CRY2: variants seen among roughly 807,000 people sequenced by gnomAD.
CRY2 encodes cryptochrome circadian regulator 2, also known as cryptochrome-2.
CRY2 carries 31 observed loss-of-function variants against 69.5 expected under a neutral mutation model. The ratio of observed to expected loss-of-function variants is 0.45; its 90% CI spans 0.34 to 0.60. The LOEUF is 0.60. Among genes scored for constraint, CRY2 ranks in the 20% least tolerant of loss-of-function variants. The pLI, the probability that CRY2 is intolerant of heterozygous loss-of-function variation, is 0.02. For missense variants in CRY2, 606 were observed against 797.8 expected (o/e 0.76, Z 2.90); for synonymous variants, 303 against 312.2 (o/e 0.97, Z 0.31).
chr11:45,855,986 C>T lies in CRY2; in HGVS notation c.220C>T (p.Leu74=). The change falls in exon 2 of 12, where the codon CTA becomes TTA. Residue 74 remains leucine, a synonymous_variant. Transcript: ENST00000616080. The part of the protein sequence containing the change: ...SSVGINRWRF[L]LQSLEDLDTS... ...AGGCCTGTGTGGACTCCACAGGTTC[C>T]TACTTCAGTCTCTGGAAGATTTGGA... 2.5e-6 allele frequency: 4 copies of T among 1,613,862 alleles called. No individual in the cohort carries two copies. Among genetic ancestry groups the T allele is most frequent in the Admixed American group, 3.3e-5 (2 of 60,006 alleles).
chr11:45,858,777 T>C lies in CRY2; in HGVS notation c.371T>C (p.Phe124Ser). 1 of 1,613,998 alleles carries C rather than the reference T, an allele frequency of 6.2e-7. No individual in the cohort carries two copies. The highest frequency in any genetic ancestry group is 8.5e-7 in the Non-Finnish European group (1 of 1,179,982). ...ACCTTTGAATATGACTCTGAACCCT[T>C]TGGGAAAGAACGGGATGCAGCCATC... ...RLTFEYDSEPFGKERDAAIMK... is the reference protein window; with the variant it reads ...RLTFEYDSEPSGKERDAAIMK... Residue 124 changes from phenylalanine (F) to serine (S), a missense_variant, in exon 3 of 12, where the codon TTT becomes TCT. This residue lies in a region of CRY2 where 382 missense variants were observed against 508.9 expected (regional missense o/e 0.75). Coordinates refer to ENST00000616080, the MANE Select transcript of CRY2 (RefSeq NM_021117.5).
In CRY2 at chr11:45,878,920, TAA is replaced by T. The variant is rs57461093; in HGVS notation, c.*3-1967_*3-1966del. Among the ~76,000 whole-genome samples the T allele has an allele frequency of 7.3e-3, 360 of 49,342 alleles. 6 individuals are homozygous for T. The highest frequency in any genetic ancestry group is 0.05 in the South Asian group (62 of 1,252). The allele number at this position is 49,342 out of a possible 152,430, so 32.4% of individuals were successfully genotyped here. On this transcript the variant is annotated intron_variant, in intron 11 of 11. Transcript: ENST00000616080. ...GGCAACAGAACAAGACTCCATCTAT[TAA>T]AAAAAAAAAAAAAAAAAAAAAAAAA...
intron 3 of CRY2, among the ~76,000 whole-genome samples, chr11:45,860,551 T>C (rs764655230): frequency 3.9e-5 from 6 of 152,150 alleles, no homozygotes; most frequent in Admixed American, 6.5e-5. Flanking sequence ...TTTGTCAGTC[T>C]CTGTCTTTAG....
At position 45,872,094 on chromosome 11, in the gene CRY2, C is replaced by T. The variant is rs760859111; in HGVS notation, c.1645C>T (p.Pro549Ser). ...SQAGSMSSAG[P>S]RPLPSGPASP... is the part of the protein sequence containing the mutation. ...CCCTTTGACACGCTTCCCTACAGGCCCAAGACCACTACCCAGTGGCCCAGC... is the reference window on the plus strand; with the variant it reads ...CCCTTTGACACGCTTCCCTACAGGCTCAAGACCACTACCCAGTGGCCCAGC... The change falls in exon 11 of 12, where the codon CCA becomes TCA. Residue 549 changes from proline (P) to serine (S), a missense_variant and splice_region_variant. This residue lies in a region of CRY2 where 173 missense variants were observed against 213.7 expected (regional missense o/e 0.81). Transcript: ENST00000616080. 2 of 1,613,988 alleles carry T rather than the reference C, an allele frequency of 1.2e-6. No individual in the cohort carries two copies. Among genetic ancestry groups the T allele is most frequent in the South Asian group, 1.1e-5 (1 of 91,064 alleles).
At position 45,856,000 on chromosome 11, in the gene CRY2, G is replaced by A; in HGVS notation, c.234G>A (p.Leu78=). The part of the protein sequence containing the change: ...INRWRFLLQS[L]EDLDTSLRKL... ...TCCACAGGTTCCTACTTCAGTCTCT[G>A]GAAGATTTGGACACAAGTTTAAGGA... Residue 78 remains leucine (L), a synonymous_variant, in exon 2 of 12, where the codon CTG becomes CTA. Coordinates refer to ENST00000616080, the MANE Select transcript of CRY2 (RefSeq NM_021117.5). 4 of 1,614,116 alleles carry A rather than the reference G, an allele frequency of 2.5e-6. No homozygotes were observed. Among genetic ancestry groups the A allele is most frequent in the South Asian group, 2.2e-5 (2 of 91,080 alleles).
intron 1 of CRY2, among the ~76,000 whole-genome samples, chr11:45,854,043 G>T (rs1462846839): frequency 2.0e-5 from 3 of 152,238 alleles, no homozygotes; most frequent in Non-Finnish European, 4.4e-5. Flanking sequence ...GTGTCAAGTT[G>T]TGTACGTCAG....
rs199918079 is a variant in CRY2 at position 45,870,177 on chromosome 11, G to A, written c.1319G>A (p.Arg440His). ...HCYCPVGFGR[R>H]TDPSGDYIRR... The stretch of plus-strand genomic sequence containing the variant: ...TACTGCCCTGTGGGCTTTGGCCGTC[G>A]CACGGACCCCAGTGGGGACTACATC... Residue 440 changes from arginine (R) to histidine (H), a missense_variant, in exon 8 of 12, where the codon CGC becomes CAC. Coordinates refer to ENST00000616080, the MANE Select transcript of CRY2 (RefSeq NM_021117.5). 3.7e-6 allele frequency: 6 copies of A among 1,612,942 alleles called. No individual in the cohort carries two copies. The highest frequency in any genetic ancestry group is 2.2e-5 in the South Asian group (2 of 90,994).
intron 11 of CRY2, 128 bp downstream of exon 11, chr11:45,872,361 G>T: frequency 1.2e-6 from 1 of 824,054 alleles, no homozygotes; most frequent in Non-Finnish European, 1.9e-6. Flanking sequence ...CCAATGCTCA[G>T]CCACTAAAGC....
chr11:45,847,344 C>G, upstream of CRY2: 1 of 1,596,686 alleles, frequency 6.3e-7, no homozygotes, highest in Non-Finnish European at 8.5e-7. Flanking sequence ...GTGGAAGGCA[C>G]TCAGCCAATG....
At chr11:45,863,339 A>G (rs1280017027) in intron 5 of CRY2, among the ~76,000 whole-genome samples, 1 of 152,160 alleles carries the variant, frequency 6.6e-6, no homozygotes. Context: ...GTTAGTTTTT[A>G]TCAGCTGGAG....
intron 1 of CRY2, among the ~76,000 whole-genome samples, chr11:45,850,820 C>T (rs554495257): frequency 6.6e-6 from 1 of 152,210 alleles, no homozygotes; most frequent in East Asian, 1.9e-4. Flanking sequence ...CTGTTTCCCT[C>T]CTGCTCCTTC....
chr11:45,870,645 G>A, intron 9 of CRY2, 113 bp downstream of exon 9: 1 of 1,343,976 alleles, frequency 7.4e-7, no homozygotes, highest in South Asian at 1.3e-5. Flanking sequence ...TGTCTTTCAG[G>A]TTGACACCTT....
chr11:45,863,802 G>A (rs2086308185), intron 5 of CRY2, among the ~76,000 whole-genome samples: 1 of 151,960 alleles, frequency 6.6e-6, no homozygotes, highest in African/African-American at 2.4e-5. Context: ...CTGGAAGGTA[G>A]GTTTAGCTCT....
intron 1 of CRY2, 35 bp from the exon 2 acceptor site, chr11:45,855,947 T>A: frequency 6.5e-7 from 1 of 1,530,980 alleles, no homozygotes; most frequent in Non-Finnish European, 9.1e-7. Flanking sequence ...CTCTTCATGA[T>A]GTTATCACTA....
At chr11:45,860,469 G>A (rs2086278725) in intron 3 of CRY2, among the ~76,000 whole-genome samples, 1 of 152,034 alleles carries the variant, frequency 6.6e-6, no homozygotes, top group Non-Finnish European at 1.5e-5. Flanking sequence ...GAGGCCTATG[G>A]GGATTCCCTT....
rs1485622022 is a variant in CRY2, at chr11:45,867,676, G to A, written c.806G>A (p.Gly269Asp). 6.2e-7 allele frequency: 1 copy of A among 1,614,208 alleles called. No individual in the cohort carries two copies. Among genetic ancestry groups the A allele is most frequent in the South Asian group, 1.1e-5 (1 of 91,092 alleles). Residue 269 changes from glycine to aspartate, a missense_variant, in exon 6 of 12, where the codon GGC (glycine) becomes GAC (aspartate). Gly to Asp is a moderately conservative substitution (Grantham distance 94). This residue lies in a region of CRY2 where 382 missense variants were observed against 508.9 expected (regional missense o/e 0.75). Transcript: ENST00000616080. ...NANSLLASPT[G>D]LSPYLRFGCL... ...AACTCCCTCCTGGCCAGCCCCACAG[G>A]CCTCAGCCCCTACCTGCGCTTTGGT...
At chr11:45,861,839 C>T (rs2086290338) in intron 4 of CRY2, 1 of 530,602 alleles carries the variant, frequency 1.9e-6, no homozygotes, top group Non-Finnish European at 3.3e-6. Context: ...TTGTCATCTA[C>T]CTGGAGCGAT....
At chr11:45,852,278 C>T (rs1367457492) in intron 1 of CRY2, among the ~76,000 whole-genome samples, 2 of 152,220 alleles carry the variant, frequency 1.3e-5, no homozygotes, top group Non-Finnish European at 2.9e-5. Context: ...CCCCCAACAC[C>T]ACCATCTCCA....
Position 45,847,508 on chromosome 11 carries a change from G to A in CRY2, c.18G>A (p.Ala6=), listed in dbSNP as rs1388822286. 1.9e-6 allele frequency: 3 copies of A among 1,592,750 alleles called. No individual in the cohort carries two copies. Among genetic ancestry groups the A allele is most frequent in the African/African-American group, 2.7e-5 (2 of 74,772 alleles). MAATV[A]TAAAVAPAPA... The stretch of plus-strand genomic sequence containing the variant: ...GGACAGTCATGGCGGCGACTGTGGC[G>A]ACGGCGGCAGCTGTGGCCCCGGCGC... Residue 6 remains alanine, a synonymous_variant, in exon 1 of 12, where the codon GCG becomes GCA. Transcript: ENST00000616080.
Sources: allele counts gnomAD v4.1 joint callset (sites outside exome capture counted in the v4.1 genomes callset), GRCh38; gene constraint gnomAD v4.1.1; regional missense constraint gnomAD v4.1.1; transcripts MANE v1.5; gene names NCBI Gene and HGNC (gene_info 2026-07-23, HGNC 2026-07-21).